The following DPP6 variants were observed in gnomAD, a reference collection of about 807,000 sequenced individuals.
DPP6 encodes the protein dipeptidyl peptidase like 6.
In DPP6, 69 loss-of-function variants were observed where a neutral mutation model predicts 122.6. That is an observed-to-expected ratio of 0.56 (90% confidence interval 0.46 to 0.69). The LOEUF is 0.69. DPP6 is among the 30% of genes least tolerant of loss of function. DPP6 has a pLI of 0.00. For synonymous variants in DPP6, 418 were observed against 433.1 expected (o/e 0.97, Z 0.43); for missense variants, 928 against 1,116.9 (o/e 0.83, Z 2.41).
chr7:154,490,317 C>CTG (rs1824166076), intron 3 of DPP6, among the ~76,000 whole-genome samples: 1 of 152,210 alleles, frequency 6.6e-6, no homozygotes, highest in African/African-American at 2.4e-5. Flanking sequence ...CCCCCGGCTC[C>CTG]CTCGTGCTCT....
At chr7:154,112,561 C>G (rs965697998) in intron 1 of DPP6, among the ~76,000 whole-genome samples, 1 of 151,714 alleles carries the variant, frequency 6.6e-6, no homozygotes, top group Admixed American at 6.6e-5. Context: ...AGGAGACTTG[C>G]TTGAATCCAG....
At chr7:153,911,301 C>T (rs1270902574) in intron 1 of DPP6, among the ~76,000 whole-genome samples, 2 of 152,198 alleles carry the variant, frequency 1.3e-5, no homozygotes, top group African/African-American at 4.8e-5. Flanking sequence ...CTCTGTGCCC[C>T]TTCCCCAGTA....
At chr7:153,897,837 C>A (rs1442335997) in intron 1 of DPP6, among the ~76,000 whole-genome samples, 2 of 152,214 alleles carry the variant, frequency 1.3e-5, no homozygotes, top group Non-Finnish European at 2.9e-5. Context: ...TTCCCACCAG[C>A]AGTGCACAAG....
chr7:154,851,763 C>G (rs955937728), intron 16 of DPP6, among the ~76,000 whole-genome samples: 7 of 147,676 alleles, frequency 4.7e-5, no homozygotes, highest in Non-Finnish European at 1.0e-4. Context: ...GACACACTTA[C>G]AGTAAGAAAA....
intron 1 of DPP6, among the ~76,000 whole-genome samples, chr7:154,319,519 C>T (rs1362626366): frequency 6.6e-6 from 1 of 151,974 alleles, no homozygotes. Flanking sequence ...CATGGTGAAA[C>T]CCCATCTCTA....
At chr7:153,784,025 G>C in the DPP6 span, among the ~76,000 whole-genome samples, 3 of 152,184 alleles carry the variant, frequency 2.0e-5, no homozygotes, top group Non-Finnish European at 4.4e-5. Flanking sequence ...GCTATACCTG[G>C]AACACAGTAG....
intron 1 of DPP6, among the ~76,000 whole-genome samples, chr7:154,109,095 C>A (rs956439818): frequency 9.9e-5 from 15 of 152,214 alleles, no homozygotes; most frequent in African/African-American, 2.7e-4. Flanking sequence ...TCTTCTTTAG[C>A]GTTGCTTACT....
chr7:153,951,693 A>G (rs1468536), intron 1 of DPP6, among the ~76,000 whole-genome samples: 49,660 of 152,030 alleles, frequency 0.33, 8,513 homozygotes, highest in East Asian at 0.59. Flanking sequence ...CCCACACCAA[A>G]CACAAGAAGT....
intron 6 of DPP6, among the ~76,000 whole-genome samples, chr7:154,663,261 C>G (rs369498959): frequency 6.5e-5 from 4 of 61,404 alleles, no homozygotes; most frequent in East Asian, 5.9e-4. Flanking sequence ...GCGTATTGGC[C>G]GTAGTGTTCA....
chr7:153,830,045 A>G, the DPP6 span, among the ~76,000 whole-genome samples: 3 of 152,220 alleles, frequency 2.0e-5, 1 homozygote, highest in Non-Finnish European at 4.4e-5. Flanking sequence ...GCTCCATTTT[A>G]TTATGTGTTT....
intron 3 of DPP6, among the ~76,000 whole-genome samples, chr7:154,491,033 C>T (rs921973279): frequency 1.3e-5 from 2 of 152,182 alleles, no homozygotes; most frequent in Non-Finnish European, 1.5e-5. Flanking sequence ...TGATGGTCAG[C>T]GACTGAGAAT....
intron 7 of DPP6, among the ~76,000 whole-genome samples, chr7:154,697,251 C>T (rs1840271107): frequency 6.6e-6 from 1 of 152,242 alleles, no homozygotes; most frequent in African/African-American, 2.4e-5. Flanking sequence ...CCTGACTCCA[C>T]AGCAGCCTCC....
At chr7:154,159,925 A>G (rs1197498184) in intron 1 of DPP6, among the ~76,000 whole-genome samples, 2 of 152,038 alleles carry the variant, frequency 1.3e-5, no homozygotes, top group African/African-American at 4.8e-5. Flanking sequence ...CCTGGGCAAC[A>G]TAGGGAGATC....
chr7:153,940,560 G>T (rs1210522226), intron 1 of DPP6, among the ~76,000 whole-genome samples: 1 of 152,128 alleles, frequency 6.6e-6, no homozygotes, highest in Non-Finnish European at 1.5e-5. Context: ...CATGTTTCAT[G>T]ACACACAGAA....
At chr7:154,634,353 A>G (rs2130910999) in intron 5 of DPP6, among the ~76,000 whole-genome samples, 1 of 151,660 alleles carries the variant, frequency 6.6e-6, no homozygotes, top group East Asian at 2.0e-4. Context: ...ATCATTTTTT[A>G]TGGCTGCATA....
At chr7:154,689,285 G>A (rs540058548) in intron 7 of DPP6, among the ~76,000 whole-genome samples, 1 of 152,314 alleles carries the variant, frequency 6.6e-6, no homozygotes, top group South Asian at 2.1e-4. Context: ...TAGTTTGCAC[G>A]ATTTATTTGG....
In DPP6 at chr7:154,892,320, TG is replaced by T; in HGVS notation, c.2452-13del. 6.2e-7 allele frequency: 1 copy of T among 1,614,016 alleles called. No individual in the cohort carries two copies. The highest frequency in any genetic ancestry group is 8.5e-7 in the Non-Finnish European group (1 of 1,179,890). The stretch of plus-strand genomic sequence containing the variant: ...TATACCTGGGAGAGTAATTTCTCCG[TG>T]CCTTCCTTGCAGATTTACCCGGACG... On this transcript the variant is annotated splice_polypyrimidine_tract_variant and intron_variant, in intron 25 of 25. Transcript: ENST00000377770.
intron 16 of DPP6, among the ~76,000 whole-genome samples, chr7:154,832,866 G>A (rs1239836659): frequency 3.3e-5 from 5 of 152,348 alleles, no homozygotes; most frequent in Non-Finnish European, 5.9e-5. Flanking sequence ...CCTCCAACAT[G>A]TAAACCACAC....
At chr7:154,663,521 C>T (rs867175805) in intron 6 of DPP6, among the ~76,000 whole-genome samples, 17 of 27,134 alleles carry the variant, frequency 6.3e-4, no homozygotes, top group South Asian at 4.3e-3. Context: ...CATGGCGTAT[C>T]GGCCGTAGTG....
Sources: gnomAD v4.1 joint callset for allele counts (sites outside exome capture counted in the v4.1 genomes callset) on GRCh38, gnomAD v4.1.1 for gene constraint, MANE v1.5 for transcripts, NCBI Gene and HGNC (gene_info 2026-07-23, HGNC 2026-07-21) for gene names.